Variants in GRM7 observed in about 807,000 individuals in gnomAD.
The protein encoded by GRM7 is glutamate metabotropic receptor 7, also known as metabotropic glutamate receptor 7.
In GRM7, 35 loss-of-function variants were observed where a neutral mutation model predicts 84.5. The ratio of observed to expected loss-of-function variants is 0.41; its 90% CI spans 0.32 to 0.55. GRM7 has a LOEUF of 0.55. Among genes scored for constraint, GRM7 ranks in the 20% least tolerant of loss-of-function variants. The pLI is 0.19. For missense variants in GRM7, 1,003 were observed against 1,194.6 expected, an observed-to-expected ratio of 0.84 and a Z score of 2.36; for synonymous variants, 487 against 455.1, an observed-to-expected ratio of 1.07 and a Z score of -0.89.
intron 7 of GRM7, among the ~76,000 whole-genome samples, chr3:7,468,966 C>T (rs1698577707): frequency 6.6e-6 from 1 of 152,164 alleles, no homozygotes; most frequent in Admixed American, 6.5e-5. Context: ...TGAAAACAGA[C>T]TAATACACAT....
intron 4 of GRM7, among the ~76,000 whole-genome samples, chr3:7,403,437 G>C (rs956522681): frequency 6.6e-6 from 1 of 151,080 alleles, no homozygotes; most frequent in African/African-American, 2.4e-5. Context: ...ATGACATCAA[G>C]CTGAAATAAT....
At chr3:7,706,550 A>C (rs749370523) in intron 9 of GRM7, among the ~76,000 whole-genome samples, 2 of 152,196 alleles carry the variant, frequency 1.3e-5, no homozygotes, top group African/African-American at 2.4e-5. Context: ...ACTACAGGGA[A>C]AGGATATAGA....
intron 1 of GRM7, among the ~76,000 whole-genome samples, chr3:6,922,395 T>C (rs1311714514): frequency 1.3e-5 from 2 of 152,200 alleles, no homozygotes; most frequent in Admixed American, 6.5e-5. Context: ...CTTCAATTGA[T>C]TAAAATGGCC....
intron 1 of GRM7, among the ~76,000 whole-genome samples, chr3:6,879,834 T>C (rs890578889): frequency 6.6e-6 from 1 of 152,178 alleles, no homozygotes; most frequent in African/African-American, 2.4e-5. Context: ...AGTTTGGAGA[T>C]TGTTTTTATG....
chr3:7,631,319 G>T (rs1049519302), intron 8 of GRM7, among the ~76,000 whole-genome samples: 1 of 152,136 alleles, frequency 6.6e-6, no homozygotes, highest in African/African-American at 2.4e-5. Context: ...GGTAGAAGTA[G>T]CCCGGCAGTA....
At chr3:7,173,417 C>T (rs956050580) in intron 2 of GRM7, among the ~76,000 whole-genome samples, 1 of 152,082 alleles carries the variant, frequency 6.6e-6, no homozygotes, top group Non-Finnish European at 1.5e-5. Context: ...CTTTTGGTGG[C>T]CCTAACAGTC....
intron 7 of GRM7, chr3:7,535,418 G>T (rs1448444845): frequency 6.6e-6 from 1 of 152,358 alleles, no homozygotes. Flanking sequence ...TAGTTATAAA[G>T]TAGTCCTAGG....
chr3:7,151,359 A>C lies in GRM7; in HGVS notation c.736+4691A>C, dbSNP rs892438258. On this transcript the variant is annotated intron_variant, in intron 2 of 9. Coordinates refer to ENST00000357716, the MANE Select transcript of GRM7 (RefSeq NM_000844.4). This position sits in a 1 kb window ranked among gnomAD's most constrained non-coding sequence, Gnocchi z 4.5. ...GAGGCGGAGGTTGCAGTGAGCCGAG[A>C]TTGCACCACTGCACTTTAGCCTGGG... 2.6e-5 allele frequency among the ~76,000 whole-genome samples: 4 copies of C among 152,124 alleles called. No individual in the cohort carries two copies. Among genetic ancestry groups the C allele is most frequent in the Non-Finnish European group, 4.4e-5 (3 of 68,032 alleles).
chr3:7,291,529 TCTCTC>T (rs1191864390), intron 2 of GRM7, among the ~76,000 whole-genome samples: 7 of 94,330 alleles, frequency 7.4e-5, no homozygotes, highest in Non-Finnish European at 1.8e-4. Flanking sequence ...TCTCTCTCTC[TCTCTC>T]TCTCTCTCTC....
chr3:7,263,113 T>A (rs1180481032), intron 2 of GRM7, among the ~76,000 whole-genome samples: 1 of 152,234 alleles, frequency 6.6e-6, no homozygotes, highest in Admixed American at 6.5e-5. Flanking sequence ...TTTATTCTAT[T>A]TTATGTCCTT....
At chr3:7,146,969 T>C (rs968328610) in intron 2 of GRM7, among the ~76,000 whole-genome samples, 9 of 152,088 alleles carry the variant, frequency 5.9e-5, no homozygotes, top group African/African-American at 1.9e-4. Context: ...TATGAAAACG[T>C]GGGAAAATGT....
rs184289719 is a variant in GRM7, at chr3:6,870,204, C to T, written c.519+8297C>T. 4.6e-5 allele frequency among the ~76,000 whole-genome samples: 7 copies of T among 152,120 alleles called. No individual in the cohort carries two copies. In the East Asian group the frequency reaches 7.7e-4, roughly 17 times the overall value. On this transcript the variant is annotated intron_variant, in intron 1 of 9. Coordinates refer to ENST00000357716, the MANE Select transcript of GRM7 (RefSeq NM_000844.4). The stretch of plus-strand genomic sequence containing the variant: ...GAATGTGGAACTTGCTGAAGATGGT[C>T]GGGTTGGTAGTGCTAGGGGCTATAA...
At chr3:7,106,599 C>T (rs751724524) in intron 1 of GRM7, among the ~76,000 whole-genome samples, 3 of 152,000 alleles carry the variant, frequency 2.0e-5, no homozygotes, top group Non-Finnish European at 4.4e-5. Flanking sequence ...CTAACAAACA[C>T]GGGATGATCC....
chr3:7,229,106 T>G (rs1417610313), intron 2 of GRM7, among the ~76,000 whole-genome samples: 5 of 152,106 alleles, frequency 3.3e-5, no homozygotes, highest in Admixed American at 6.5e-5. Flanking sequence ...TATGTCAAAT[T>G]AGAAGGGGTT....
intron 1 of GRM7, among the ~76,000 whole-genome samples, chr3:7,133,651 G>T (rs755751690): frequency 2.6e-5 from 4 of 152,142 alleles, no homozygotes; most frequent in Non-Finnish European, 5.9e-5. Flanking sequence ...TGGCTCTTGA[G>T]GCCTGGAAGA....
intron 3 of GRM7, among the ~76,000 whole-genome samples, chr3:7,299,112 A>G (rs986595641): frequency 6.6e-6 from 1 of 152,236 alleles, no homozygotes; most frequent in Non-Finnish European, 1.5e-5. Context: ...AAATATATTA[A>G]TAACAGATTT....
intron 2 of GRM7, among the ~76,000 whole-genome samples, chr3:7,248,670 T>A (rs746312445): frequency 2.6e-5 from 4 of 152,152 alleles, no homozygotes; most frequent in Non-Finnish European, 4.4e-5. Context: ...AGCATAATAA[T>A]GTGGTTTTGA....
intron 7 of GRM7, among the ~76,000 whole-genome samples, chr3:7,492,538 C>G (rs145528368): frequency 6.6e-6 from 1 of 151,892 alleles, no homozygotes; most frequent in Non-Finnish European, 1.5e-5. Context: ...TTTTAATGAC[C>G]GCTGAATCTA....
chr3:7,229,827 A>G, intron 2 of GRM7, among the ~76,000 whole-genome samples: 1 of 120,614 alleles, frequency 8.3e-6, no homozygotes, highest in African/African-American at 3.3e-5. Flanking sequence ...TGGGTCAGCA[A>G]TCTTCCATCT....
Sources: allele counts gnomAD v4.1 joint callset (sites outside exome capture counted in the v4.1 genomes callset), GRCh38; gene constraint gnomAD v4.1.1; non-coding constraint Gnocchi (gnomAD v3.1); transcripts MANE v1.5; gene names NCBI Gene and HGNC (gene_info 2026-07-23, HGNC 2026-07-21).